MICA: variants seen among roughly 807,000 people sequenced by gnomAD.
MICA encodes the protein MHC class I polypeptide-related sequence A.
In MICA, 18 loss-of-function variants were observed where a neutral mutation model predicts 34.3. The ratio of observed to expected loss-of-function variants is 0.52; its 90% confidence interval spans 0.36 to 0.78. The LOEUF (loss-of-function observed/expected upper bound fraction) is 0.78, where lower values mean the gene tolerates loss of function less well. Ranked by LOEUF, MICA falls within the 30% of genes least tolerant of loss-of-function variation. MICA has a pLI of 0.00. For missense variants in MICA, 333 were observed against 409.4 expected (o/e 0.81, Z 1.61); for synonymous variants, 135 against 156.9 (o/e 0.86, Z 1.04).
At chr6:31,404,624 A>G (rs1420380207) in intron 1 of MICA, among the ~76,000 whole-genome samples, 2 of 151,482 alleles carry the variant, frequency 1.3e-5, no homozygotes, top group African/African-American at 4.9e-5. Flanking sequence ...CCCGTTCCCA[A>G]ATGTCCCTGA....
At position 31,410,638 on chromosome 6, in the gene MICA, T is replaced by G; in HGVS notation, c.166T>G (p.Phe56Val). The change falls in exon 2 of 6, where the codon TTC (phenylalanine) becomes GTC (valine). Residue 56 changes from phenylalanine to valine, a missense_variant. By Grantham distance (50) the Phe-to-Val change is conservative. Transcript: ENST00000449934. ...LAEVHLDGQP[F>V]LRYDRQKCRA... is the part of the protein sequence containing the mutation. ...TGAGGTACATCTGGATGGTCAGCCC[T>G]TCCTGCGCTATGACAGGCAGAAATG... 6.2e-7 allele frequency: 1 copy of G among 1,613,522 alleles called. No homozygotes were observed. The highest frequency in any genetic ancestry group is 8.5e-7 in the Non-Finnish European group (1 of 1,179,992).
chr6:31,412,384 G>GCT lies in MICA; in HGVS notation c.952_953insCT (p.Gly318AlafsTer69), dbSNP rs41293539. On this transcript the variant is annotated frameshift_variant, in exon 5 of 6. Coordinates refer to ENST00000449934, the MANE Select transcript of MICA (RefSeq NM_001177519.3). LOFTEE classifies it high-confidence loss of function. ...ATTCCATGTTTCTGCTGTTGCTGCTGGCTGCTGCTATTTTTGTTATTATTA... is the reference window on the plus strand; with the variant it reads ...ATTCCATGTTTCTGCTGTTGCTGCTGCTGCTGCTGCTATTTTTGTTATTATTA... 0.25 allele frequency: 297,906 copies of GCT among 1,199,206 alleles called. 32,615 individuals are homozygous for GCT. Among genetic ancestry groups the GCT allele is most frequent in the Middle Eastern group, 0.5 (2,545 of 5,064 alleles). The allele number at this position is 1,199,206 out of a possible 1,614,324, so 74.3% of individuals were successfully genotyped here.
In MICA at chr6:31,412,060, G is replaced by T; in HGVS notation, c.727G>T (p.Gly243Trp). The change falls in exon 4 of 6, where the codon GGG becomes TGG. Residue 243 changes from glycine (G) to tryptophan (W), a missense_variant. Physicochemically the swap from Gly to Trp is radical, Grantham distance 184 (BLOSUM62 -2). Coordinates refer to ENST00000449934, the MANE Select transcript of MICA (RefSeq NM_001177519.3). ...RNIILTWRQD[G>W]VSLSHDTQQW... ...TATCATACTGACCTGGCGTCAGGATGGGGTATCTTTGAGCCACGACACCCA... is the reference window on the plus strand; with the variant it reads ...TATCATACTGACCTGGCGTCAGGATTGGGTATCTTTGAGCCACGACACCCA... 6.2e-7 allele frequency: 1 copy of T among 1,613,152 alleles called. No homozygotes were observed. Among genetic ancestry groups the T allele is most frequent in the Non-Finnish European group, 8.5e-7 (1 of 1,179,898 alleles).
At chr6:31,408,542 C>G (rs1444290251) in intron 1 of MICA, among the ~76,000 whole-genome samples, 1 of 151,806 alleles carries the variant, frequency 6.6e-6, no homozygotes, top group African/African-American at 2.4e-5. Flanking sequence ...TTGTGCAACC[C>G]AAAACTCTGT....
rs1771233196 is a variant in MICA, at chr6:31,412,349, A to C, written c.917A>C (p.His306Pro). ...GGGAAAGTGCTGGTGCTTCAGAGTC[A>C]TTGGCAGACATTCCATGTTTCTGCT... ...PSGKVLVLQS[H>P]WQTFHVSAVA... Residue 306 changes from histidine (H) to proline (P), a missense_variant, in exon 5 of 6, where the codon CAT becomes CCT. His to Pro is a moderately conservative substitution (Grantham distance 77). Transcript: ENST00000449934. The C allele has an allele frequency of 6.3e-6, 10 of 1,594,226 alleles. No individual in the cohort carries two copies. The highest frequency in any genetic ancestry group is 1.4e-5 in the African/African-American group (1 of 73,788).
At chr6:31,409,485 C>A (rs1289477062) in intron 1 of MICA, among the ~76,000 whole-genome samples, 1 of 151,862 alleles carries the variant, frequency 6.6e-6, no homozygotes, top group Non-Finnish European at 1.5e-5. Flanking sequence ...CCATTTAAGT[C>A]TTTTGCCCAT....
chr6:31,415,007 T>C lies in MICA; in HGVS notation c.*30-5T>C. Reference sequence around the variant, plus strand: ...AGCATTTACCCATTTCCCTCTTTTCTCCAGAGCTCGTGAGCCTGCAGGTCC... The same window carrying C: ...AGCATTTACCCATTTCCCTCTTTTCCCCAGAGCTCGTGAGCCTGCAGGTCC... On this transcript the variant is annotated splice_polypyrimidine_tract_variant and splice_region_variant and intron_variant, in intron 5 of 5. Transcript: ENST00000449934. 1.3e-6 allele frequency: 2 copies of C among 1,485,494 alleles called. No individual in the cohort carries two copies. The highest frequency in any genetic ancestry group is 1.9e-6 in the Non-Finnish European group (2 of 1,073,236). 92.0% of individuals were successfully genotyped at this position (1,485,494 alleles called of 1,614,324 possible).
chr6:31,411,147 A>G lies in MICA; in HGVS notation c.401A>G (p.Tyr134Cys), dbSNP rs755812607. 5 of 1,612,418 alleles carry G rather than the reference A, an allele frequency of 3.1e-6. No individual in the cohort carries two copies. The highest frequency in any genetic ancestry group is 1.1e-5 in the South Asian group (1 of 90,806). ...AGCACCAGGAGCTCCCAGCATTTCTACTACGATGGGGAGCTCTTCCTCTCC... is the reference window on the plus strand; with the variant it reads ...AGCACCAGGAGCTCCCAGCATTTCTGCTACGATGGGGAGCTCTTCCTCTCC... ...DNSTRSSQHF[Y>C]YDGELFLSQN... is the part of the protein sequence containing the mutation. Residue 134 changes from tyrosine (Y) to cysteine (C), a missense_variant, in exon 3 of 6, where the codon TAC becomes TGC. Transcript: ENST00000449934. This position sits in a 1 kb window ranked among gnomAD's most constrained non-coding sequence, Gnocchi z 4.3.
chr6:31,411,555 G>A lies in MICA; in HGVS notation c.613+196G>A, dbSNP rs1209713009. ...GTCAGGGACTGGACCATCCAGTGTT[G>A]TAATCAGGGCAAGTAGAGGACCCTC... On this transcript the variant is annotated intron_variant, in intron 3 of 5. Coordinates refer to ENST00000449934, the MANE Select transcript of MICA (RefSeq NM_001177519.3). This position sits in a 1 kb window ranked among gnomAD's most constrained non-coding sequence, Gnocchi z 4.3. Among the ~76,000 whole-genome samples the A allele has an allele frequency of 6.6e-6, 1 of 151,842 alleles. No individual in the cohort carries two copies. The highest frequency in any genetic ancestry group is 1.5e-5 in the Non-Finnish European group (1 of 68,026).
chr6:31,411,690 C>T lies in MICA; in HGVS notation c.614-257C>T, dbSNP rs1771166376. 6.6e-6 allele frequency among the ~76,000 whole-genome samples: 1 copy of T among 151,694 alleles called. No individual in the cohort carries two copies. The highest frequency in any genetic ancestry group is 1.5e-5 in the Non-Finnish European group (1 of 67,984). On this transcript the variant is annotated intron_variant, in intron 3 of 5. Coordinates refer to ENST00000449934, the MANE Select transcript of MICA (RefSeq NM_001177519.3). The surrounding 1 kb of genome is among the most constrained non-coding windows in gnomAD (Gnocchi z 4.3). ...CCCATCCTGGAGAGTTCCCTCCTGG[C>T]CCCACAACCCAGGAGTCCACCCCTG... is the stretch of plus-strand genomic sequence containing the variant.
chr6:31,415,186 C>T lies in MICA; in HGVS notation c.*204C>T, dbSNP rs769774632. 5.0e-6 allele frequency: 4 copies of T among 792,224 alleles called. No homozygotes were observed. The Admixed American group carries it at 5.8e-5, about 12-fold the overall frequency. The allele number at this position is 792,224 out of a possible 1,614,324, so 49.1% of individuals were successfully genotyped here. A position where few individuals can be genotyped will look rare whatever the true frequency, so the allele number is the denominator to read the frequency against. On this transcript the variant is annotated 3_prime_UTR_variant, in exon 6 of 6. Coordinates refer to ENST00000449934, the MANE Select transcript of MICA (RefSeq NM_001177519.3). ...AATTGAATTCCCTGCCTGGATCTCA[C>T]AAGCACTTTCCCTCTTGGTGCCTCA...
chr6:31,415,250 AT>A lies in MICA; in HGVS notation c.*271del, dbSNP rs530165945. Reference sequence around the variant, plus strand: ...TGAAACAGAGAAAATAAAAGCACTTATTTATTGTTGTTGGAGGCTGCAAAAT... The same window carrying A: ...TGAAACAGAGAAAATAAAAGCACTTATTATTGTTGTTGGAGGCTGCAAAAT... On this transcript the variant is annotated 3_prime_UTR_variant, in exon 6 of 6. Transcript: ENST00000449934. The A allele has an allele frequency of 3.0e-5, 17 of 568,026 alleles. No individual in the cohort carries two copies. In the Admixed American group the frequency reaches 5.0e-4, roughly 17 times the overall value. 35.2% of individuals were successfully genotyped at this position (568,026 alleles called of 1,614,324 possible).
Position 31,412,194 on chromosome 6 carries a change from C to G in MICA, c.861C>G (p.Ser287Arg). The change falls in exon 4 of 6, where the codon AGC (serine) becomes AGG (arginine). Residue 287 changes from serine to arginine, a missense_variant. Physicochemically the swap from Ser to Arg is moderately radical, Grantham distance 110. Coordinates refer to ENST00000449934, the MANE Select transcript of MICA (RefSeq NM_001177519.3). ...GGTTCACCTGCTACATGGAACACAG[C>G]GGGAATCACAGCACTCACCCTGTGC... ...EQRFTCYMEHSGNHSTHPVPS... is the reference protein window; with the variant it reads ...EQRFTCYMEHRGNHSTHPVPS... The G allele has an allele frequency of 6.2e-7, 1 of 1,611,390 alleles. No homozygotes were observed.
At chr6:31,409,670 T>C (rs1202905729) in intron 1 of MICA, among the ~76,000 whole-genome samples, 1 of 151,942 alleles carries the variant, frequency 6.6e-6, no homozygotes, top group Non-Finnish European at 1.5e-5. Context: ...GTCATATCCA[T>C]GAAAGCACTG....
intron 2 of MICA, 46 bp downstream of exon 2, chr6:31,410,843 A>G (rs17206596): frequency 6.5e-7 from 1 of 1,533,636 alleles, no homozygotes; most frequent in Admixed American, 2.0e-5. Context: ...CCTTTTCCAG[A>G]AAAGTTAGGG....
intron 1 of MICA, among the ~76,000 whole-genome samples, chr6:31,410,336 T>A (rs1431851400): frequency 6.6e-6 from 1 of 151,892 alleles, no homozygotes; most frequent in Non-Finnish European, 1.5e-5. Context: ...AAGTTTGCCA[T>A]CTTCATTCCC....
intron 2 of MICA, 98 bp downstream of exon 2, chr6:31,410,895 A>AGG: frequency 1.3e-6 from 2 of 1,481,884 alleles, no homozygotes; most frequent in Non-Finnish European, 1.8e-6. Flanking sequence ...GATCTGGCTC[A>AGG]GGCTGGGGGT....
At position 31,411,416 on chromosome 6, in the gene MICA, C is replaced by T. The variant is rs1188245811; in HGVS notation, c.613+57C>T. 6.7e-7 allele frequency: 1 copy of T among 1,485,646 alleles called. No homozygotes were observed. The highest frequency in any genetic ancestry group is 9.0e-7 in the Non-Finnish European group (1 of 1,107,296). 92.0% of individuals were successfully genotyped at this position (1,485,646 alleles called of 1,614,324 possible). ...CTCCAATTCTGCTAGAGTTGCCTCACCTCCCAGATGTGTCCAGGGAAACCC... is the reference window on the plus strand; with the variant it reads ...CTCCAATTCTGCTAGAGTTGCCTCATCTCCCAGATGTGTCCAGGGAAACCC... On this transcript the variant is annotated intron_variant, in intron 3 of 5. Transcript: ENST00000449934. This position sits in a 1 kb window ranked among gnomAD's most constrained non-coding sequence, Gnocchi z 4.3.
At position 31,412,167 on chromosome 6, in the gene MICA, G is replaced by A. The variant is rs41545718; in HGVS notation, c.834G>A (p.Gln278=). ...CCAGGATTTGCCGAGGAGAGGAGCAGAGGTTCACCTGCTACATGGAACACA... is the reference window on the plus strand; with the variant it reads ...CCAGGATTTGCCGAGGAGAGGAGCAAAGGTTCACCTGCTACATGGAACACA... ...VATRICRGEE[Q]RFTCYMEHSG... The change falls in exon 4 of 6, where the codon CAG becomes CAA. Residue 278 remains glutamine, a synonymous_variant. Coordinates refer to ENST00000449934, the MANE Select transcript of MICA (RefSeq NM_001177519.3). 6.2e-7 allele frequency: 1 copy of A among 1,612,636 alleles called. No individual in the cohort carries two copies. Among genetic ancestry groups the A allele is most frequent in the East Asian group, 2.2e-5 (1 of 44,816 alleles).
Sources: gnomAD v4.1 joint callset for allele counts (sites outside exome capture counted in the v4.1 genomes callset) on GRCh38, gnomAD v4.1.1 for gene constraint, Gnocchi (gnomAD v3.1) non-coding constraint, MANE v1.5 for transcripts, NCBI Gene and HGNC (gene_info 2026-07-23, HGNC 2026-07-21) for gene names.